The following ZMAT2 variants were observed in gnomAD, a reference collection of about 807,000 sequenced individuals.
The protein encoded by ZMAT2 is zinc finger matrin-type protein 2.
ZMAT2 carries 5 observed loss-of-function variants against 27.5 expected under a neutral mutation model. The observed-to-expected ratio is 0.18, with a 90% CI of 0.10 to 0.38. The LOEUF is 0.38. Among genes scored for constraint, ZMAT2 ranks in the 10% least tolerant of loss-of-function variants. The probability of loss-of-function intolerance (pLI) is 1.00; values close to 1 mark genes in which losing one functional copy is unlikely to be tolerated. For synonymous variants in ZMAT2, 76 were observed against 78.6 expected (o/e 0.97, Z 0.17); for missense variants, 124 against 243.9 (o/e 0.51, Z 3.27).
rs368834456 is a variant in ZMAT2, at chr5:140,700,801, G to A, written c.19-18G>A. The stretch of plus-strand genomic sequence containing the variant: ...CCCAGACACGGCGACGGATCTTGAC[G>A]CTTTTTCCTCCCCACAGACAAAAAA... On this transcript the variant is annotated intron_variant, in intron 1 of 5. Transcript: ENST00000274712. 157 of 1,613,058 alleles carry A rather than the reference G, an allele frequency of 9.7e-5. No individual in the cohort carries two copies. The highest frequency in any genetic ancestry group is 1.2e-4 in the Non-Finnish European group (141 of 1,179,448).
chr5:140,703,875 C>T, intron 3 of ZMAT2, 43 bp from the exon 4 acceptor site: 1 of 1,579,580 alleles, frequency 6.3e-7, no homozygotes. Context: ...ATGATAAGAT[C>T]CTTAAAACCA....
chr5:140,700,793 A>G, intron 1 of ZMAT2, 26 bp from the exon 2 acceptor site: 6 of 1,612,736 alleles, frequency 3.7e-6, no homozygotes, highest in Non-Finnish European at 5.1e-6. Context: ...ACGGCGACGG[A>G]TCTTGACGCT....
rs566740142 is a variant in ZMAT2 at position 140,700,783 on chromosome 5, A to T, written c.19-36A>T. Reference sequence around the variant, plus strand: ...TCCCTGCTTCTCTAGGGGCCCAGACACGGCGACGGATCTTGACGCTTTTTC... The same window carrying T: ...TCCCTGCTTCTCTAGGGGCCCAGACTCGGCGACGGATCTTGACGCTTTTTC... On this transcript the variant is annotated intron_variant, in intron 1 of 5. Coordinates refer to ENST00000274712, the MANE Select transcript of ZMAT2 (RefSeq NM_144723.3). The T allele has an allele frequency of 5.0e-6, 8 of 1,610,066 alleles. No individual in the cohort carries two copies. In the Admixed American group the frequency reaches 1.2e-4, roughly 24 times the overall value.
chr5:140,703,573 A>T (rs1429559060), intron 3 of ZMAT2, among the ~76,000 whole-genome samples: 1 of 152,230 alleles, frequency 6.6e-6, no homozygotes, highest in Non-Finnish European at 1.5e-5. Context: ...ACAATAAAGC[A>T]ACTGGCTTCC....
chr5:140,706,081 C>A lies in ZMAT2; in HGVS notation c.*325C>A, dbSNP rs932430294. 35 of 261,460 alleles carry A rather than the reference C, an allele frequency of 1.3e-4. No individual in the cohort carries two copies. Among genetic ancestry groups the A allele is most frequent in the Admixed American group, 6.0e-4 (12 of 19,950 alleles). The allele number at this position is 261,460 out of a possible 1,614,324, so 16.2% of individuals were successfully genotyped here. On this transcript the variant is annotated 3_prime_UTR_variant, in exon 6 of 6. Transcript: ENST00000274712. ...CCTGCATCTTTATCTCTTCATCTAT[C>A]CCACCTCTTGTCTGAACATCCCACC...
chr5:140,703,838 C>G (rs1270993565), intron 3 of ZMAT2, 80 bp from the exon 4 acceptor site: 2 of 1,343,812 alleles, frequency 1.5e-6, no homozygotes, highest in East Asian at 2.3e-5. Flanking sequence ...AGAAGTTTAC[C>G]TAAAAATTTG....
At chr5:140,700,989 G>T (rs1759950115) in intron 2 of ZMAT2, 77 bp downstream of exon 2, 10 of 1,426,540 alleles carry the variant, frequency 7.0e-6, no homozygotes, top group Non-Finnish European at 9.7e-6. Context: ...GAGTTGAAGT[G>T]CGCTGCCTTC....
chr5:140,702,354 G>A (rs1357045696), intron 3 of ZMAT2, among the ~76,000 whole-genome samples: 1 of 151,926 alleles, frequency 6.6e-6, no homozygotes, highest in Non-Finnish European at 1.5e-5. Context: ...TATTAGCATT[G>A]GCTGGGCACA....
chr5:140,700,701 C>A, intron 1 of ZMAT2, 118 bp from the exon 2 acceptor site: 2 of 1,330,696 alleles, frequency 1.5e-6, no homozygotes, highest in Non-Finnish European at 2.1e-6. Context: ...CTCGTACAGT[C>A]CAAAGAGGCT....
chr5:140,703,783 C>G (rs144227427), intron 3 of ZMAT2, 135 bp from the exon 4 acceptor site: 2 of 775,480 alleles, frequency 2.6e-6, no homozygotes, highest in South Asian at 1.7e-5. Flanking sequence ...TATACTCTCT[C>G]GAAAGCTAAG....
At chr5:140,704,059 G>A in intron 4 of ZMAT2, 68 bp downstream of exon 4, 1 of 1,433,106 alleles carries the variant, frequency 7.0e-7, no homozygotes, top group Non-Finnish European at 9.8e-7. Flanking sequence ...GAATGGAAGG[G>A]TAGCTTTTTT....
chr5:140,705,317 ATTTT>A (rs35355544), intron 5 of ZMAT2, among the ~76,000 whole-genome samples: 1 of 145,478 alleles, frequency 6.9e-6, no homozygotes, highest in African/African-American at 2.6e-5. Context: ...CTCCCCCATA[ATTTT>A]TTTTTTTTTT....
intron 2 of ZMAT2, among the ~76,000 whole-genome samples, chr5:140,701,135 C>T (rs1236453004): frequency 6.6e-6 from 1 of 152,148 alleles, no homozygotes; most frequent in African/African-American, 2.4e-5. Context: ...TGCTTCCTTG[C>T]CCACCCTTTG....
chr5:140,704,593 C>CCT (rs1760020449), intron 5 of ZMAT2, 22 bp downstream of exon 5: 1 of 1,610,434 alleles, frequency 6.2e-7, no homozygotes, highest in East Asian at 2.2e-5. Flanking sequence ...CTATCCTTCC[C>CCT]CTCTCCCCCA....
At chr5:140,705,506 T>C in intron 5 of ZMAT2, 107 bp from the exon 6 acceptor site, 1 of 1,353,244 alleles carries the variant, frequency 7.4e-7, no homozygotes, top group Non-Finnish European at 9.9e-7. Flanking sequence ...CATGAAGTAC[T>C]CAGAGCAATT....
At position 140,703,930 on chromosome 5, in the gene ZMAT2, T is replaced by C. The variant is rs191426383; in HGVS notation, c.249T>C (p.Asn83=). ...PQSEMGGYYC[N]VCDCVVKDSI... Reference sequence around the variant, plus strand: ...TTCTTCCTGTTAGATATTACTGCAATGTCTGTGACTGTGTGGTGAAGGACT... The same window carrying C: ...TTCTTCCTGTTAGATATTACTGCAACGTCTGTGACTGTGTGGTGAAGGACT... The change falls in exon 4 of 6, where the codon AAT becomes AAC. Residue 83 remains asparagine (N), a synonymous_variant. Transcript: ENST00000274712. 1.2e-5 allele frequency: 19 copies of C among 1,614,104 alleles called. No homozygotes were observed. In the African/African-American group the frequency reaches 2.0e-4, roughly 17 times the overall value.
At chr5:140,701,949 C>A in intron 2 of ZMAT2, 57 bp from the exon 3 acceptor site, 1 of 1,529,560 alleles carries the variant, frequency 6.5e-7, no homozygotes, top group Non-Finnish European at 8.8e-7. Context: ...CATTTTTTTT[C>A]CTTTCTGGTT....
At chr5:140,705,590 T>C (rs765160154) in intron 5 of ZMAT2, 23 bp from the exon 6 acceptor site, 1 of 1,599,210 alleles carries the variant, frequency 6.3e-7, no homozygotes, top group African/African-American at 1.3e-5. Flanking sequence ...TCTAAACTGA[T>C]TCTGAGTGAT....
rs1314662156 is a variant in ZMAT2 at position 140,706,221 on chromosome 5, C to T, written c.*465C>T. The T allele has an allele frequency of 1.3e-5, 2 of 159,194 alleles. No individual in the cohort carries two copies. Among genetic ancestry groups the T allele is most frequent in the African/African-American group, 4.8e-5 (2 of 41,550 alleles). 9.9% of individuals were successfully genotyped at this position (159,194 alleles called of 1,614,324 possible). On this transcript the variant is annotated 3_prime_UTR_variant, in exon 6 of 6. Coordinates refer to ENST00000274712, the MANE Select transcript of ZMAT2 (RefSeq NM_144723.3). Reference sequence around the variant, plus strand: ...CATATCCTTGATCAGCCCTTTTTCCCATCCTGCCCTATGGTTCTCTAGCCA... The same window carrying T: ...CATATCCTTGATCAGCCCTTTTTCCTATCCTGCCCTATGGTTCTCTAGCCA...
Sources: allele counts gnomAD v4.1 joint callset (sites outside exome capture counted in the v4.1 genomes callset), GRCh38; gene constraint gnomAD v4.1.1; transcripts MANE v1.5; gene names NCBI Gene and HGNC (gene_info 2026-07-23, HGNC 2026-07-21).